The following SAMD12 variants were observed in gnomAD, a reference collection of about 807,000 sequenced individuals.
The protein encoded by SAMD12 is sterile alpha motif domain containing 12.
In SAMD12, 9 loss-of-function variants were observed where a neutral mutation model predicts 15.0. The ratio of observed to expected loss-of-function variants is 0.60; its 90% CI spans 0.36 to 1.05. The LOEUF (loss-of-function observed/expected upper bound fraction) is 1.05. Among genes scored for constraint, SAMD12 ranks in the 50% least tolerant of loss-of-function variants. The pLI is 0.01. For missense variants in SAMD12, 230 were observed against 234.2 expected (o/e 0.98, Z 0.12); for synonymous variants, 86 against 90.1 (o/e 0.96, Z 0.25).
the SAMD12 span, among the ~76,000 whole-genome samples, chr8:118,133,275 T>C: frequency 6.6e-6 from 1 of 151,954 alleles, no homozygotes; most frequent in Admixed American, 6.6e-5. Flanking sequence ...TCTCTTCTGC[T>C]TTTTTAAGGT....
chr8:118,273,639 A>G (rs1317479555), intron 4 of SAMD12, among the ~76,000 whole-genome samples: 1 of 152,186 alleles, frequency 6.6e-6, no homozygotes, highest in Non-Finnish European at 1.5e-5. Flanking sequence ...GAACTCTGAG[A>G]CATTGGATAA....
intron 4 of SAMD12, among the ~76,000 whole-genome samples, chr8:118,266,924 G>T (rs1813216379): frequency 6.6e-6 from 1 of 152,046 alleles, no homozygotes; most frequent in South Asian, 2.1e-4. Context: ...GTACAACATG[G>T]TAACTACAGT....
intron 3 of SAMD12, among the ~76,000 whole-genome samples, 154 bp downstream of exon 3, chr8:118,439,678 T>C (rs560777454): frequency 6.6e-6 from 1 of 152,244 alleles, no homozygotes; most frequent in East Asian, 1.9e-4. Context: ...ATAGCATGGC[T>C]CACATGGATC....
intron 1 of SAMD12, chr8:118,621,111 A>T (rs1159884921): frequency 6.6e-6 from 1 of 152,316 alleles, no homozygotes; most frequent in Non-Finnish European, 1.5e-5. Flanking sequence ...CTTTACGGTC[A>T]AAACTGCAAA....
Position 118,298,092 on chromosome 8 carries a change from G to A in SAMD12, c.433+81468C>T, listed in dbSNP as rs572712619. ...GTCACACCTACCTGGTATTTATTGT[G>A]AATGTCAAACATACATATGTAGTTC... On this transcript the variant is annotated intron_variant, in intron 4 of 4. Transcript: ENST00000409003. Among the ~76,000 whole-genome samples, 3 of 152,250 alleles carry A rather than the reference G, an allele frequency of 2.0e-5. No homozygotes were observed. In the East Asian group the frequency reaches 5.8e-4, roughly 29 times the overall value.
chr8:118,581,918 C>T (rs1428004902), intron 1 of SAMD12, among the ~76,000 whole-genome samples: 1 of 152,130 alleles, frequency 6.6e-6, no homozygotes, highest in Non-Finnish European at 1.5e-5. Context: ...CCCCCATCTT[C>T]CCCAGGTCTC....
At chr8:118,208,756 A>C (rs1264052269) in intron 4 of SAMD12, among the ~76,000 whole-genome samples, 10 of 152,210 alleles carry the variant, frequency 6.6e-5, no homozygotes, top group African/African-American at 2.4e-4. Flanking sequence ...CATATTTGAC[A>C]GCGCCACTCT....
the SAMD12 span, among the ~76,000 whole-genome samples, chr8:118,135,643 G>A: frequency 6.6e-6 from 1 of 151,552 alleles, no homozygotes; most frequent in African/African-American, 2.4e-5. Flanking sequence ...CCCAGGCTCA[G>A]GTAATCCTCT....
intron 1 of SAMD12, among the ~76,000 whole-genome samples, chr8:118,596,102 C>T (rs1285072781): frequency 1.3e-5 from 2 of 152,126 alleles, no homozygotes; most frequent in African/African-American, 4.8e-5. Flanking sequence ...GTTGAACAAC[C>T]GCTCTGTAAA....
chr8:118,412,614 G>T (rs535381007), intron 3 of SAMD12, among the ~76,000 whole-genome samples: 2 of 152,016 alleles, frequency 1.3e-5, no homozygotes, highest in Non-Finnish European at 2.9e-5. Flanking sequence ...CCCAGACTAG[G>T]TCAGAAAAGG....
the SAMD12 span, among the ~76,000 whole-genome samples, chr8:118,138,027 G>C: frequency 6.6e-6 from 1 of 151,860 alleles, no homozygotes; most frequent in Non-Finnish European, 1.5e-5. Flanking sequence ...ATGTTAGGCA[G>C]AATGAGCCAA....
At chr8:118,502,114 G>A (rs186600078) in intron 2 of SAMD12, among the ~76,000 whole-genome samples, 8 of 152,012 alleles carry the variant, frequency 5.3e-5, no homozygotes, top group Admixed American at 2.0e-4. Context: ...CCAAACTGCT[G>A]GTGTACAGAC....
chr8:118,526,751 A>G (rs544427219), intron 2 of SAMD12, among the ~76,000 whole-genome samples: 1 of 152,178 alleles, frequency 6.6e-6, no homozygotes, highest in African/African-American at 2.4e-5. Flanking sequence ...TGTTCACTCA[A>G]GGTCAAAGGC....
At chr8:118,220,110 A>C (rs576830727) in intron 4 of SAMD12, among the ~76,000 whole-genome samples, 23 of 152,284 alleles carry the variant, frequency 1.5e-4, no homozygotes, top group Admixed American at 1.2e-3. Context: ...TAAATGGTTG[A>C]GGCTGTTCTT....
chr8:118,277,554 A>G (rs1813504653), intron 4 of SAMD12, among the ~76,000 whole-genome samples: 1 of 151,828 alleles, frequency 6.6e-6, no homozygotes, highest in Admixed American at 6.6e-5. Context: ...GGAAAAAGTA[A>G]TATATTTGAT....
At chr8:118,201,940 C>G (rs1819727128) in intron 4 of SAMD12, among the ~76,000 whole-genome samples, 1 of 152,200 alleles carries the variant, frequency 6.6e-6, no homozygotes, top group Non-Finnish European at 1.5e-5. Context: ...GCTTCAGAGT[C>G]TGGGATGAGG....
At chr8:118,431,606 T>C (rs937971482) in intron 3 of SAMD12, among the ~76,000 whole-genome samples, 2 of 152,124 alleles carry the variant, frequency 1.3e-5, no homozygotes, top group African/African-American at 4.8e-5. Flanking sequence ...CCTGGAATTC[T>C]TATCTTTTCT....
In SAMD12 at chr8:118,378,522, A is replaced by C. The variant is rs1183279830; in HGVS notation, c.*895T>G. The C allele has an allele frequency of 7.1e-6, 7 of 984,290 alleles. No individual in the cohort carries two copies. Among genetic ancestry groups the C allele is most frequent in the Non-Finnish European group, 8.4e-6 (7 of 829,022 alleles). 61.0% of individuals were successfully genotyped at this position (984,290 alleles called of 1,614,324 possible). A position where few individuals can be genotyped will look rare whatever the true frequency, so the allele number is the denominator to read the frequency against. ...TATCCTTCTAGAATAGTCATCTTTC[A>C]GGGAGCACATTATTTCCTCTAGGCA... On this transcript the variant is annotated 3_prime_UTR_variant, in exon 4 of 4. Transcript: ENST00000314727.
At chr8:118,154,214 A>G in the SAMD12 span, among the ~76,000 whole-genome samples, 3 of 152,076 alleles carry the variant, frequency 2.0e-5, no homozygotes, top group Admixed American at 6.6e-5. Flanking sequence ...AAGGCACTCA[A>G]GGGCCTCCAA....
Sources: allele counts gnomAD v4.1 joint callset (sites outside exome capture counted in the v4.1 genomes callset), GRCh38; gene constraint gnomAD v4.1.1; transcripts MANE v1.5; gene names NCBI Gene and HGNC (gene_info 2026-07-23, HGNC 2026-07-21).